Variants in FAT3 observed in about 807,000 individuals in gnomAD.
FAT3 encodes protocadherin Fat 3.
A neutral mutation model predicts 310.2 loss-of-function variants in FAT3; 95 were observed. The ratio of observed to expected loss-of-function variants is 0.31; its 90% CI spans 0.26 to 0.36. The LOEUF (loss-of-function observed/expected upper bound fraction) is 0.36. FAT3 is among the 10% of genes least tolerant of loss of function. The probability of loss-of-function intolerance (pLI) is 1.00; values close to 1 mark genes in which losing one functional copy is unlikely to be tolerated. For synonymous variants in FAT3, 2,314 were observed against 2,192.9 expected (o/e 1.06, Z -1.54); for missense variants, 5,408 against 5,715.6 (o/e 0.95, Z 1.74).
At position 92,880,750 on chromosome 11, in the gene FAT3, C is replaced by G. The variant is rs368347234; in HGVS notation, c.12147C>G (p.Leu4049=). The G allele has an allele frequency of 1.1e-5, 17 of 1,613,794 alleles. No individual in the cohort carries two copies. In the African/African-American group the frequency reaches 1.9e-4, roughly 18 times the overall value. Reference sequence around the variant, plus strand: ...CCCCAGGCTATCAGTGTACCTGTCTCTCACAGTTTACGGGGAGAAACTGTG... The same window carrying G: ...CCCCAGGCTATCAGTGTACCTGTCTGTCACAGTTTACGGGGAGAAACTGTG... ...LPSGGYQCTC[L]SQFTGRNCES... Residue 4049 remains leucine, a synonymous_variant, in exon 23 of 28, where the codon CTC becomes CTG. Transcript: ENST00000525166.
rs75457405 is a variant in FAT3 at position 92,850,113 on chromosome 11, A to G, written c.11365+5381A>G. Among the ~76,000 whole-genome samples, 792 of 152,322 alleles carry G rather than the reference A, an allele frequency of 5.2e-3. 3 individuals are homozygous for G. The highest frequency in any genetic ancestry group is 0.018 in the African/African-American group (734 of 41,560). On this transcript the variant is annotated intron_variant, in intron 19 of 27. Coordinates refer to ENST00000525166, the MANE Select transcript of FAT3 (RefSeq NM_001367949.2). ...GAGAAGAATCTGAAATTGGGTTTGC[A>G]CTTTGGCCGGGGTTTGCTAATGCTA...
chr11:92,691,430 C>G (rs1943795668), intron 3 of FAT3, among the ~76,000 whole-genome samples: 2 of 152,084 alleles, frequency 1.3e-5, no homozygotes, highest in African/African-American at 2.4e-5. Flanking sequence ...AGTCCTCTCT[C>G]TCTCACCCAG....
At chr11:92,296,630 A>G (rs1946856789) in intron 1 of FAT3, among the ~76,000 whole-genome samples, 1 of 152,066 alleles carries the variant, frequency 6.6e-6, no homozygotes, top group Non-Finnish European at 1.5e-5. Context: ...GGTTTTTGAC[A>G]ATCAGTGGAA....
At chr11:92,276,935 C>T (rs1051235016) in intron 1 of FAT3, among the ~76,000 whole-genome samples, 2 of 152,128 alleles carry the variant, frequency 1.3e-5, no homozygotes, top group Non-Finnish European at 2.9e-5. Flanking sequence ...TCCTTTCTGG[C>T]TCCAAGACAC....
intron 1 of FAT3, among the ~76,000 whole-genome samples, chr11:92,231,036 A>T (rs1310206329): frequency 2.6e-5 from 4 of 152,172 alleles, no homozygotes; most frequent in African/African-American, 7.2e-5. Flanking sequence ...GGGCTGTCGG[A>T]ATGTTAGTTA....
At position 92,746,774 on chromosome 11, in the gene FAT3, A is replaced by T. The variant is rs1000095499; in HGVS notation, c.3670-15082A>T. Among the ~76,000 whole-genome samples, 5 of 152,224 alleles carry T rather than the reference A, an allele frequency of 3.3e-5. No individual in the cohort carries two copies. In the East Asian group the frequency reaches 9.6e-4, roughly 29 times the overall value. ...CCAAATGGGAGAAATTGGCCAAAAC[A>T]TAGGGGCTACAGGCCCCATGCAAGT... On this transcript the variant is annotated intron_variant, in intron 4 of 27. Transcript: ENST00000525166.
At chr11:92,237,055 G>A (rs1864456368) in intron 1 of FAT3, among the ~76,000 whole-genome samples, 1 of 152,150 alleles carries the variant, frequency 6.6e-6, no homozygotes, top group Admixed American at 6.5e-5. Context: ...TTAATTGTGT[G>A]TAAGGTAAGG....
intron 1 of FAT3, among the ~76,000 whole-genome samples, chr11:92,265,323 G>A (rs574831815): frequency 6.6e-6 from 1 of 151,992 alleles, no homozygotes; most frequent in Admixed American, 6.6e-5. Context: ...GCTGCCGTAT[G>A]GTTTTTCTTC....
At chr11:92,468,679 GGAA>G (rs1951835341) in intron 2 of FAT3, among the ~76,000 whole-genome samples, 1 of 152,152 alleles carries the variant, frequency 6.6e-6, no homozygotes. Flanking sequence ...CAGTCATGGT[GGAA>G]GAAGAAGCAA....
chr11:92,606,499 C>A (rs896324318), intron 3 of FAT3, among the ~76,000 whole-genome samples: 11 of 152,176 alleles, frequency 7.2e-5, no homozygotes, highest in Non-Finnish European at 1.5e-4. Context: ...TGCTTCTGCT[C>A]TCCCACCTCG....
At chr11:92,850,287 G>A (rs1236353669) in intron 19 of FAT3, among the ~76,000 whole-genome samples, 3 of 152,080 alleles carry the variant, frequency 2.0e-5, no homozygotes, top group East Asian at 1.9e-4. Context: ...TCTCCAGTAC[G>A]CATGAGTCCC....
chr11:92,825,030 T>C (rs1009555710), intron 13 of FAT3, among the ~76,000 whole-genome samples: 1 of 152,238 alleles, frequency 6.6e-6, no homozygotes, highest in Non-Finnish European at 1.5e-5. Flanking sequence ...GCTTTGTGTA[T>C]GTATATGAAT....
intron 2 of FAT3, among the ~76,000 whole-genome samples, chr11:92,393,295 A>G (rs968581215): frequency 4.0e-5 from 6 of 151,254 alleles, no homozygotes; most frequent in Non-Finnish European, 8.9e-5. Context: ...GGGACTGGGG[A>G]GAGGTTCTGT....
chr11:92,612,338 A>G (rs12792935), intron 3 of FAT3, among the ~76,000 whole-genome samples: 4,587 of 152,256 alleles, frequency 0.03, 104 homozygotes, highest in Middle Eastern at 0.061. Context: ...ATGAGAAGAA[A>G]TCATTTTATC....
chr11:92,806,314 C>T (rs1272781638), intron 11 of FAT3, 48 bp from the exon 12 acceptor site: 10 of 1,490,966 alleles, frequency 6.7e-6, no homozygotes, highest in South Asian at 1.3e-5. Context: ...ATGGCAATTG[C>T]CCCCACAAAT....
chr11:92,546,219 A>C (rs1565400396), intron 3 of FAT3, among the ~76,000 whole-genome samples: 1 of 152,218 alleles, frequency 6.6e-6, no homozygotes, highest in Non-Finnish European at 1.5e-5. Flanking sequence ...CGATCTACAG[A>C]GTGCAGATCC....
At position 92,352,760 on chromosome 11, in the gene FAT3, T is replaced by C. The variant is rs1331531026; in HGVS notation, c.648T>C (p.Ser216=). The change falls in exon 2 of 28, where the codon AGT becomes AGC. Residue 216 remains serine, a synonymous_variant. Coordinates refer to ENST00000525166, the MANE Select transcript of FAT3 (RefSeq NM_001367949.2). The stretch of plus-strand genomic sequence containing the variant: ...CCACGAGTGGTGTCATCTCCTTAAG[T>C]GGTCGATTAAATTATGATGAAAAGA... ...VHPTSGVISL[S]GRLNYDEKNR... 2 of 1,613,866 alleles carry C rather than the reference T, an allele frequency of 1.2e-6. No individual in the cohort carries two copies. The highest frequency in any genetic ancestry group is 2.2e-5 in the South Asian group (2 of 91,082).
intron 1 of FAT3, among the ~76,000 whole-genome samples, chr11:92,323,453 A>T (rs930930549): frequency 6.6e-6 from 1 of 151,942 alleles, no homozygotes; most frequent in Non-Finnish European, 1.5e-5. Context: ...GGATCTTTCT[A>T]TGTTGCCCAG....
intron 6 of FAT3, among the ~76,000 whole-genome samples, chr11:92,767,302 C>T (rs992906591): frequency 1.3e-5 from 2 of 151,442 alleles, no homozygotes; most frequent in African/African-American, 4.9e-5. Flanking sequence ...ACCGAATAGG[C>T]AACAGAATGT....
Sources: allele counts gnomAD v4.1 joint callset (sites outside exome capture counted in the v4.1 genomes callset), GRCh38; gene constraint gnomAD v4.1.1; transcripts MANE v1.5; gene names NCBI Gene and HGNC (gene_info 2026-07-23, HGNC 2026-07-21).